Variants in GTF2E2 observed in about 807,000 individuals in gnomAD.
GTF2E2 encodes the protein transcription initiation factor IIE subunit beta.
In GTF2E2, 21 loss-of-function variants were observed where a neutral mutation model predicts 40.5. The ratio of observed to expected loss-of-function variants is 0.52; its 90% CI spans 0.37 to 0.75. The LOEUF (loss-of-function observed/expected upper bound fraction) is 0.75. GTF2E2 is among the 30% of genes least tolerant of loss of function. The probability of loss-of-function intolerance (pLI) is 0.00; values close to 1 mark genes in which losing one functional copy is unlikely to be tolerated. For synonymous variants in GTF2E2, 117 were observed against 121.6 expected, an observed-to-expected ratio of 0.96 and a Z score of 0.25; for missense variants, 298 against 338.4, an observed-to-expected ratio of 0.88 and a Z score of 0.94.
At chr8:30,654,569 A>C (rs1162932976) in intron 1 of GTF2E2, among the ~76,000 whole-genome samples, 1 of 151,968 alleles carries the variant, frequency 6.6e-6, no homozygotes, top group Non-Finnish European at 1.5e-5. Context: ...CACACAGTTA[A>C]TTTTTTTAAA....
At position 30,635,088 on chromosome 8, in the gene GTF2E2, A is replaced by G. The variant is rs1299728093; in HGVS notation, c.202T>C (p.Ser68Pro). 6.2e-7 allele frequency: 1 copy of G among 1,608,780 alleles called. No individual in the cohort carries two copies. The highest frequency in any genetic ancestry group is 1.3e-5 in the African/African-American group (1 of 74,784). The change falls in exon 3 of 8, where the codon TCA becomes CCA. Residue 68 changes from serine (S) to proline (P), a missense_variant. Transcript: ENST00000355904. ...CCAAACTTATATCCAGAGCTTCCTG[A>G]CAAAGCTTTCAAGTTAAATGATCCA... ...SNGSFNLKAL[S>P]GSSGYKFGVL...
At chr8:30,649,215 T>C (rs1330416308) in intron 2 of GTF2E2, among the ~76,000 whole-genome samples, 2 of 152,114 alleles carry the variant, frequency 1.3e-5, no homozygotes, top group Non-Finnish European at 1.5e-5. Context: ...AAATCAGTTA[T>C]AAAACAGCTT....
At chr8:30,637,514 ATTTTATTTATTTTATTTT>A (rs1051697001) in intron 2 of GTF2E2, among the ~76,000 whole-genome samples, 3 of 13,496 alleles carry the variant, frequency 2.2e-4, no homozygotes, top group African/African-American at 4.3e-4. Context: ...CTATAATTTT[ATTTTATTTATTTTATTTT>A]ATTTTATTTG....
chr8:30,619,641 C>T (rs1801027839), intron 3 of GTF2E2, among the ~76,000 whole-genome samples: 1 of 152,082 alleles, frequency 6.6e-6, no homozygotes, highest in South Asian at 2.1e-4. Flanking sequence ...GCCACCTCAG[C>T]CTCCTATAGT....
At chr8:30,642,572 C>A (rs574188732) in intron 2 of GTF2E2, among the ~76,000 whole-genome samples, 2 of 152,320 alleles carry the variant, frequency 1.3e-5, no homozygotes, top group Admixed American at 1.3e-4. Context: ...CCTCACTCTC[C>A]TCCCGATGGA....
chr8:30,600,602 AT>A (rs1243637670), intron 6 of GTF2E2, among the ~76,000 whole-genome samples: 6 of 152,176 alleles, frequency 3.9e-5, no homozygotes, highest in Non-Finnish European at 5.9e-5. Context: ...AGAGTAAAAA[AT>A]AATAATAAAA....
intron 3 of GTF2E2, among the ~76,000 whole-genome samples, chr8:30,633,258 A>G (rs923366390): frequency 6.6e-6 from 1 of 152,210 alleles, no homozygotes; most frequent in Non-Finnish European, 1.5e-5. Context: ...ATAAAAATAC[A>G]TAACATTTGG....
At chr8:30,620,580 T>C (rs1053482762) in intron 3 of GTF2E2, among the ~76,000 whole-genome samples, 6 of 152,218 alleles carry the variant, frequency 3.9e-5, no homozygotes, top group East Asian at 1.9e-4. Context: ...AATGTATTGA[T>C]AGAGTAATAC....
At chr8:30,649,491 T>C (rs1018606029) in intron 2 of GTF2E2, among the ~76,000 whole-genome samples, 11 of 152,038 alleles carry the variant, frequency 7.2e-5, no homozygotes, top group Admixed American at 2.6e-4. Context: ...ACAAAATTGA[T>C]GAACCTTTAG....
chr8:30,591,496 AT>A (rs1298028798), intron 6 of GTF2E2, among the ~76,000 whole-genome samples: 3 of 150,930 alleles, frequency 2.0e-5, no homozygotes, highest in Non-Finnish European at 4.4e-5. Flanking sequence ...CAGTAAAAAA[AT>A]AAAATAAAAA....
At position 30,645,758 on chromosome 8, in the gene GTF2E2, G is replaced by A. The variant is rs1802052296; in HGVS notation, c.166+7675C>T. On this transcript the variant is annotated intron_variant, in intron 2 of 7. Transcript: ENST00000355904. ...AAAAAGTTAAACATGCACTGTTTGT[G>A]TGTATAGCCATTTCATTAAATATAC... 4 of 642,750 alleles carry A rather than the reference G, an allele frequency of 6.2e-6. No individual in the cohort carries two copies. In the South Asian group the frequency reaches 8.8e-5, roughly 14 times the overall value. 39.8% of individuals were successfully genotyped at this position (642,750 alleles called of 1,614,324 possible). A position where few individuals can be genotyped will look rare whatever the true frequency, so the allele number is the denominator to read the frequency against.
intron 2 of GTF2E2, among the ~76,000 whole-genome samples, chr8:30,640,103 T>C (rs1443933037): frequency 2.0e-5 from 3 of 152,222 alleles, no homozygotes; most frequent in Non-Finnish European, 4.4e-5. Flanking sequence ...ATATGTCTAT[T>C]GTTAGCACAG....
At chr8:30,589,485 G>C (rs954239350) in intron 6 of GTF2E2, among the ~76,000 whole-genome samples, 1 of 152,196 alleles carries the variant, frequency 6.6e-6, no homozygotes, top group Non-Finnish European at 1.5e-5. Context: ...CTTGAGTCCA[G>C]GGGAGTTCAA....
chr8:30,584,170 T>C (rs1828604479), intron 6 of GTF2E2, among the ~76,000 whole-genome samples: 1 of 151,754 alleles, frequency 6.6e-6, no homozygotes, highest in Non-Finnish European at 1.5e-5. Context: ...TCCTTCATGT[T>C]GGTTCCTATG....
chr8:30,647,739 T>A (rs1802143131), intron 2 of GTF2E2, among the ~76,000 whole-genome samples: 1 of 152,256 alleles, frequency 6.6e-6, no homozygotes, highest in African/African-American at 2.4e-5. Context: ...AACCAGGAAC[T>A]GAGCACTGTT....
intron 1 of GTF2E2, chr8:30,656,753 A>G (rs1197988558): frequency 6.7e-6 from 1 of 150,374 alleles, no homozygotes; most frequent in Non-Finnish European, 1.5e-5. Context: ...GCTTGCAGTA[A>G]GCCAAGATCG....
At chr8:30,608,597 G>T (rs1294308425) in intron 5 of GTF2E2, among the ~76,000 whole-genome samples, 1 of 152,158 alleles carries the variant, frequency 6.6e-6, no homozygotes, top group Non-Finnish European at 1.5e-5. Context: ...ATAACTACAG[G>T]ATGAGCAACC....
At chr8:30,582,719 T>A (rs1226703337) in intron 6 of GTF2E2, among the ~76,000 whole-genome samples, 1 of 152,232 alleles carries the variant, frequency 6.6e-6, no homozygotes, top group African/African-American at 2.4e-5. Flanking sequence ...TATGCAATTC[T>A]GGCAAGAACA....
chr8:30,653,223 G>GT (rs1802341195), intron 2 of GTF2E2, among the ~76,000 whole-genome samples: 1 of 152,060 alleles, frequency 6.6e-6, no homozygotes, highest in Non-Finnish European at 1.5e-5. Context: ...CCTAAATAAA[G>GT]TTTTTTTAAA....
Sources: allele counts gnomAD v4.1 joint callset (sites outside exome capture counted in the v4.1 genomes callset), GRCh38; gene constraint gnomAD v4.1.1; transcripts MANE v1.5; gene names NCBI Gene and HGNC (gene_info 2026-07-23, HGNC 2026-07-21).